Variants in KIF18A observed in about 807,000 individuals in gnomAD.
The protein encoded by KIF18A is kinesin-like protein KIF18A.
A neutral mutation model predicts 103.3 loss-of-function variants in KIF18A; 67 were observed. That is an observed-to-expected ratio of 0.65 (90% confidence interval 0.53 to 0.79). The LOEUF (loss-of-function observed/expected upper bound fraction) is 0.79. Among genes scored for constraint, KIF18A ranks in the 30% least tolerant of loss-of-function variants. The probability of loss-of-function intolerance (pLI) is 0.00; values close to 1 mark genes in which losing one functional copy is unlikely to be tolerated. For missense variants in KIF18A, 1,032 were observed against 1,062.5 expected, an observed-to-expected ratio of 0.97 and a Z score of 0.40; for synonymous variants, 367 against 355.5, an observed-to-expected ratio of 1.03 and a Z score of -0.36.
At chr11:28,044,565 C>A (rs552194532) in intron 13 of KIF18A, among the ~76,000 whole-genome samples, 1 of 152,162 alleles carries the variant, frequency 6.6e-6, no homozygotes, top group South Asian at 2.1e-4. Flanking sequence ...GTGTTCTATT[C>A]ATCTGTTCCT....
chr11:28,038,551 G>C (rs368839135), intron 13 of KIF18A, among the ~76,000 whole-genome samples: 6 of 151,640 alleles, frequency 4.0e-5, no homozygotes, highest in African/African-American at 1.4e-4. Context: ...AAAGAACATT[G>C]AAAGCAGAAT....
intron 13 of KIF18A, among the ~76,000 whole-genome samples, chr11:28,047,944 A>G (rs1383840783): frequency 6.6e-6 from 1 of 152,178 alleles, no homozygotes; most frequent in African/African-American, 2.4e-5. Context: ...CACATTTGGC[A>G]AAGGATTTAG....
intron 13 of KIF18A, among the ~76,000 whole-genome samples, chr11:28,052,901 T>C (rs536680409): frequency 3.2e-4 from 48 of 152,172 alleles, no homozygotes; most frequent in Non-Finnish European, 6.5e-4. Context: ...AAAGGATGGC[T>C]GGGCAATTCA....
At chr11:28,032,822 G>A (rs1486094337) in intron 15 of KIF18A, among the ~76,000 whole-genome samples, 1 of 151,724 alleles carries the variant, frequency 6.6e-6, no homozygotes, top group Admixed American at 6.6e-5. Context: ...GATTTCTTGA[G>A]TAATACCCTA....
intron 7 of KIF18A, 173 bp downstream of exon 7, chr11:28,084,459 T>G (rs1217927310): frequency 3.4e-6 from 1 of 295,834 alleles, no homozygotes; most frequent in East Asian, 6.1e-5. Flanking sequence ...AGATGCTTTA[T>G]GGTTTAACCG....
At chr11:28,065,126 G>A (rs1338163052) in intron 11 of KIF18A, among the ~76,000 whole-genome samples, 1 of 152,022 alleles carries the variant, frequency 6.6e-6, no homozygotes, top group Non-Finnish European at 1.5e-5. Context: ...AAGAGAAGTG[G>A]ATAGATTCAG....
chr11:28,028,221 A>G (rs1850346246), intron 15 of KIF18A, among the ~76,000 whole-genome samples: 1 of 152,172 alleles, frequency 6.6e-6, no homozygotes, highest in African/African-American at 2.4e-5. Flanking sequence ...TCAACAGAAT[A>G]TACATTCTTT....
chr11:28,067,533 C>A (rs1402885961), intron 11 of KIF18A, among the ~76,000 whole-genome samples: 3 of 152,078 alleles, frequency 2.0e-5, no homozygotes, highest in African/African-American at 7.2e-5. Context: ...ATCCATTCCC[C>A]AGTCATAATG....
rs185715283 is a variant in KIF18A, at chr11:28,072,058, A to C, written c.1426-2635T>G. Among the ~76,000 whole-genome samples, 4 of 152,274 alleles carry C rather than the reference A, an allele frequency of 2.6e-5. No individual in the cohort carries two copies. The East Asian group carries it at 7.7e-4, about 29-fold the overall frequency. ...TGGTTCTCAGAGGACATTTTCCATC[A>C]GAATACTACCACCACCCATTGCTCT... On this transcript the variant is annotated intron_variant, in intron 10 of 16. Coordinates refer to ENST00000263181, the MANE Select transcript of KIF18A (RefSeq NM_031217.4).
intron 1 of KIF18A, among the ~76,000 whole-genome samples, chr11:28,104,564 AT>A (rs1851483254): frequency 6.6e-6 from 1 of 152,164 alleles, no homozygotes; most frequent in Non-Finnish European, 1.5e-5. Flanking sequence ...TCTATCTAAG[AT>A]AGTGTCACCC....
At chr11:28,048,854 T>A (rs551568540) in intron 13 of KIF18A, among the ~76,000 whole-genome samples, 2 of 152,114 alleles carry the variant, frequency 1.3e-5, no homozygotes, top group East Asian at 3.9e-4. Context: ...GGGATGGATG[T>A]AGAGAAAACA....
intron 10 of KIF18A, among the ~76,000 whole-genome samples, chr11:28,069,785 C>T (rs941014583): frequency 6.6e-6 from 1 of 151,808 alleles, no homozygotes; most frequent in African/African-American, 2.4e-5. Context: ...TCTCCTTACT[C>T]AAAATCAAAG....
intron 10 of KIF18A, among the ~76,000 whole-genome samples, chr11:28,070,481 G>A (rs1444906016): frequency 6.6e-6 from 1 of 152,146 alleles, no homozygotes; most frequent in African/African-American, 2.4e-5. Context: ...AAGAGTCAGA[G>A]AGAAGCAGAT....
chr11:28,035,442 C>A lies in KIF18A; in HGVS notation c.2449G>T (p.Val817Leu). Residue 817 changes from valine (V) to leucine (L), a missense_variant, in exon 15 of 17, where the codon GTG becomes TTG. Coordinates refer to ENST00000263181, the MANE Select transcript of KIF18A (RefSeq NM_031217.4). ...TKHSMPVPSM[V>L]PSYMAMTTAA... is the part of the protein sequence containing the mutation. Reference sequence around the variant, plus strand: ...GTAGTCATTGCCATGTAGGATGGCACCATGCTTGGTACAGGCATAGAATGC... The same window carrying A: ...GTAGTCATTGCCATGTAGGATGGCAACATGCTTGGTACAGGCATAGAATGC... The A allele has an allele frequency of 6.2e-7, 1 of 1,603,276 alleles. No individual in the cohort carries two copies. Among genetic ancestry groups the A allele is most frequent in the Non-Finnish European group, 8.5e-7 (1 of 1,174,048 alleles).
chr11:28,054,447 C>G lies in KIF18A; in HGVS notation c.1948+4479G>C, dbSNP rs74924682. ...GCTGGTCTTGAACTCCTGACTCAAG[C>G]GATCGGCCTGCGTCAGTCTCCCAAA... is the stretch of plus-strand genomic sequence containing the variant. On this transcript the variant is annotated intron_variant, in intron 13 of 16. Transcript: ENST00000263181. Among the ~76,000 whole-genome samples the G allele has an allele frequency of 4.4e-3, 664 of 152,192 alleles. 7 individuals are homozygous for G. The highest frequency in any genetic ancestry group is 0.015 in the African/African-American group (640 of 41,546).
chr11:28,057,988 TACA>T (rs1850803640), intron 13 of KIF18A, among the ~76,000 whole-genome samples: 1 of 152,192 alleles, frequency 6.6e-6, no homozygotes, highest in African/African-American at 2.4e-5. Flanking sequence ...CTTTATGTAA[TACA>T]TGTGTATTAC....
chr11:28,029,439 T>A (rs1021178817), intron 15 of KIF18A, among the ~76,000 whole-genome samples: 1 of 152,168 alleles, frequency 6.6e-6, no homozygotes, highest in Non-Finnish European at 1.5e-5. Flanking sequence ...CACATGATTA[T>A]CTCAATAGAT....
chr11:28,079,329 C>T (rs1026873734), intron 9 of KIF18A, among the ~76,000 whole-genome samples: 2 of 58,226 alleles, frequency 3.4e-5, no homozygotes, highest in Non-Finnish European at 6.6e-5. Flanking sequence ...ATTTAACTAA[C>T]AAAATGAAAT....
rs185585422 is a variant in KIF18A, at chr11:28,098,043, G to T, written c.-46-50C>A. On this transcript the variant is annotated intron_variant, in intron 1 of 16. Transcript: ENST00000263181. ...TTTTAATATCAGTTTTTACTTTCAT[G>T]CAAAACAACTGGCATGTAGTATTCA... 1,700 of 928,390 alleles carry T rather than the reference G, an allele frequency of 1.8e-3. 14 individuals are homozygous for T. Among genetic ancestry groups the T allele is most frequent in the South Asian group, 9.4e-3 (525 of 55,664 alleles). 57.5% of individuals were successfully genotyped at this position (928,390 alleles called of 1,614,324 possible). A position where few individuals can be genotyped will look rare whatever the true frequency, so the allele number is the denominator to read the frequency against.
Sources: gnomAD v4.1 joint callset for allele counts (sites outside exome capture counted in the v4.1 genomes callset) on GRCh38, gnomAD v4.1.1 for gene constraint, MANE v1.5 for transcripts, NCBI Gene and HGNC (gene_info 2026-07-23, HGNC 2026-07-21) for gene names.